Variants in RGS7 observed in about 807,000 individuals in gnomAD.
The protein encoded by RGS7 is regulator of G protein signaling 7.
RGS7 carries 27 observed loss-of-function variants against 81.1 expected under a neutral mutation model. The observed-to-expected ratio is 0.33, with a 90% confidence interval of 0.25 to 0.46. The LOEUF is 0.46. RGS7 is among the 20% of genes least tolerant of loss of function. RGS7 has a pLI of 1.00. For missense variants in RGS7, 396 were observed against 607.4 expected (o/e 0.65, Z 3.66); for synonymous variants, 208 against 207.7 (o/e 1.00, Z -0.01).
rs551453520 is a variant in RGS7 at position 241,044,299 on chromosome 1, G to A, written c.175+54367C>T. 8.6e-4 allele frequency among the ~76,000 whole-genome samples: 130 copies of A among 151,992 alleles called. 1 individual carries two copies. Among genetic ancestry groups the A allele is most frequent in the Middle Eastern group, 3.4e-3 (1 of 294 alleles). On this transcript the variant is annotated intron_variant, in intron 3 of 18. Transcript: ENST00000440928. ...GCCTAATTTTTGTATTTTTAGAAAC[G>A]GGGTTTCACCAAATTGGCCAGGCTG... is the stretch of plus-strand genomic sequence containing the variant.
intron 18 of RGS7, among the ~76,000 whole-genome samples, chr1:240,784,655 AAGATTTTTTTTTTT>A (rs1012417512): frequency 4.1e-5 from 6 of 146,154 alleles, no homozygotes; most frequent in Non-Finnish European, 8.9e-5. Context: ...CAAAAAAAAA[AAGATTTTTTTTTTT>A]TTGAAAAAAA....
chr1:240,962,753 A>G (rs1162135523), intron 4 of RGS7, among the ~76,000 whole-genome samples: 10 of 152,198 alleles, frequency 6.6e-5, no homozygotes, highest in Admixed American at 6.5e-4. Flanking sequence ...ATGAAGCAAG[A>G]GAAGGTTCCA....
intron 4 of RGS7, among the ~76,000 whole-genome samples, chr1:240,953,711 T>C (rs1679915458): frequency 6.6e-6 from 1 of 151,856 alleles, no homozygotes; most frequent in Non-Finnish European, 1.5e-5. Context: ...AGAAGAGCAA[T>C]TTAAACCTAG....
chr1:241,225,645 A>T lies in RGS7; in HGVS notation c.79-126883T>A, dbSNP rs1265208229. Among the ~76,000 whole-genome samples the T allele has an allele frequency of 2.0e-5, 3 of 152,196 alleles. No homozygotes were observed. In the East Asian group the frequency reaches 5.8e-4, roughly 29 times the overall value. On this transcript the variant is annotated intron_variant, in intron 2 of 18. Coordinates refer to ENST00000440928, the MANE Select transcript of RGS7 (RefSeq NM_001364886.1). The stretch of plus-strand genomic sequence containing the variant: ...GAGAGATATTACAGGCCTTTGAGTG[A>T]CTATGATATTTCCACCAAGCTTCTC...
chr1:241,344,457 A>G lies in RGS7; in HGVS notation c.78+11242T>C, dbSNP rs551354724. ...CACATACACTGAAGAACTGTTATTT[A>G]TACAAGCTTTACATGCACTGTTCAC... On this transcript the variant is annotated intron_variant, in intron 2 of 18. Transcript: ENST00000440928. Among the ~76,000 whole-genome samples the G allele has an allele frequency of 6.6e-5, 10 of 152,366 alleles. 1 individual carries two copies. Among genetic ancestry groups the G allele is most frequent in the African/African-American group, 2.4e-4 (10 of 41,580 alleles).
At chr1:241,239,259 GC>G (rs2076153175) in intron 2 of RGS7, among the ~76,000 whole-genome samples, 1 of 151,974 alleles carries the variant, frequency 6.6e-6, no homozygotes. Context: ...GAGCCACCGC[GC>G]CCGGCCATCC....
intron 3 of RGS7, among the ~76,000 whole-genome samples, chr1:241,064,161 C>CAAAAAAAAAAAA (rs2061904533): frequency 1.0e-5 from 1 of 97,896 alleles, no homozygotes. Context: ...CCAGCCTGGG[C>CAAAAAAAAAAAA]AACAAGAGTG....
chr1:240,899,870 C>T (rs1669695295), intron 6 of RGS7, among the ~76,000 whole-genome samples: 1 of 152,168 alleles, frequency 6.6e-6, no homozygotes. Context: ...GGAAAATATC[C>T]TGAAGAGTGT....
At chr1:241,068,086 C>T (rs970254027) in intron 3 of RGS7, among the ~76,000 whole-genome samples, 5 of 150,912 alleles carry the variant, frequency 3.3e-5, no homozygotes, top group African/African-American at 1.2e-4. Flanking sequence ...CATGAGTTTT[C>T]CTGCTGACCA....
intron 10 of RGS7, among the ~76,000 whole-genome samples, chr1:240,822,203 T>A (rs1276478968): frequency 3.3e-5 from 5 of 152,228 alleles, no homozygotes; most frequent in Non-Finnish European, 7.3e-5. Flanking sequence ...AAGAAGGGAT[T>A]CTGTCTCCAG....
chr1:241,295,592 C>T (rs1166523526), intron 2 of RGS7, among the ~76,000 whole-genome samples: 3 of 152,084 alleles, frequency 2.0e-5, no homozygotes, highest in South Asian at 2.1e-4. Flanking sequence ...GTCCTAAAGG[C>T]GTTGGAGAAC....
intron 4 of RGS7, among the ~76,000 whole-genome samples, chr1:240,972,848 C>CAAAAA (rs35291771): frequency 1.3e-5 from 1 of 74,982 alleles, no homozygotes; most frequent in Admixed American, 1.6e-4. Context: ...CCCCGCCTCT[C>CAAAAA]AAAAAAAAAA....
In RGS7 at chr1:240,931,109, G is replaced by A. The variant is rs545647811; in HGVS notation, c.334-341C>T. Among the ~76,000 whole-genome samples, 7 of 152,066 alleles carry A rather than the reference G, an allele frequency of 4.6e-5. 1 individual carries two copies. The South Asian group carries it at 8.3e-4, about 18-fold the overall frequency. On this transcript the variant is annotated intron_variant, in intron 5 of 18. Transcript: ENST00000440928. ...CAGAGAGGACTGAAAGAGTATGTTCGGCAAGACTCAGGATGAAATATATTT... is the reference window on the plus strand; with the variant it reads ...CAGAGAGGACTGAAAGAGTATGTTCAGCAAGACTCAGGATGAAATATATTT...
intron 9 of RGS7, among the ~76,000 whole-genome samples, chr1:240,846,382 T>A (rs796287996): frequency 1.3e-5 from 2 of 152,176 alleles, no homozygotes; most frequent in African/African-American, 4.8e-5. Flanking sequence ...GGCAAAGAAC[T>A]CATGCGCCAC....
chr1:241,147,781 T>TAC (rs1491118441), intron 2 of RGS7, among the ~76,000 whole-genome samples: 1,019 of 10,406 alleles, frequency 0.098, 35 homozygotes, highest in East Asian at 0.25. Flanking sequence ...GATTAAGTTT[T>TAC]ATATATATAT....
chr1:240,988,423 C>T (rs1414425653), intron 3 of RGS7, among the ~76,000 whole-genome samples: 4 of 151,962 alleles, frequency 2.6e-5, no homozygotes, highest in African/African-American at 9.7e-5. Flanking sequence ...ATTTAAAACA[C>T]TGCAGAATTT....
intron 2 of RGS7, among the ~76,000 whole-genome samples, chr1:241,180,273 G>A (rs1363435939): frequency 6.6e-6 from 1 of 152,120 alleles, no homozygotes; most frequent in African/African-American, 2.4e-5. Context: ...TACTCGGGAG[G>A]CTGAGGCAGG....
chr1:241,093,470 G>A (rs577558506), intron 3 of RGS7, among the ~76,000 whole-genome samples: 18 of 152,086 alleles, frequency 1.2e-4, no homozygotes, highest in African/African-American at 4.1e-4. Flanking sequence ...CTGGAACATA[G>A]TGAGTATTTG....
chr1:241,191,003 G>A (rs995003374), intron 2 of RGS7, among the ~76,000 whole-genome samples: 6 of 149,020 alleles, frequency 4.0e-5, no homozygotes, highest in African/African-American at 9.9e-5. Context: ...TTTTTTTTGC[G>A]ACGGAGTCTT....
Sources: gnomAD v4.1 joint callset for allele counts (sites outside exome capture counted in the v4.1 genomes callset) on GRCh38, gnomAD v4.1.1 for gene constraint, MANE v1.5 for transcripts, NCBI Gene and HGNC (gene_info 2026-07-23, HGNC 2026-07-21) for gene names.